The following ABR variants were observed in gnomAD, a reference collection of about 807,000 sequenced individuals.
The protein encoded by ABR is active breakpoint cluster region-related protein.
In ABR, 35 loss-of-function variants were observed where a neutral mutation model predicts 107.2. The ratio of observed to expected loss-of-function variants is 0.33; its 90% CI spans 0.25 to 0.43. The LOEUF (loss-of-function observed/expected upper bound fraction) is 0.43, where lower values mean the gene tolerates loss of function less well. Ranked by LOEUF, ABR falls within the 20% of genes least tolerant of loss-of-function variation. The pLI is 1.00. For missense variants in ABR, 815 were observed against 1,115.2 expected (o/e 0.73, Z 3.83); for synonymous variants, 498 against 462.0 (o/e 1.08, Z -1.00).
chr17:1,167,666 G>C (rs982781695), intron 1 of ABR, among the ~76,000 whole-genome samples: 3 of 152,198 alleles, frequency 2.0e-5, no homozygotes, highest in Admixed American at 6.5e-5. Context: ...GCATGAAACA[G>C]GATAAAAATG....
At chr17:1,222,529 G>A (rs1484608857) in intron 1 of ABR, among the ~76,000 whole-genome samples, 1 of 152,186 alleles carries the variant, frequency 6.6e-6, no homozygotes, top group Non-Finnish European at 1.5e-5. Context: ...CTGATGGGAA[G>A]GGCAGAAAAC....
At chr17:1,213,475 C>T (rs1205715049) in intron 1 of ABR, among the ~76,000 whole-genome samples, 3 of 150,924 alleles carry the variant, frequency 2.0e-5, no homozygotes, top group Admixed American at 6.6e-5. Context: ...CTGCAACCTC[C>T]GCCTCCCAGA....
Position 1,010,670 on chromosome 17 carries a change from G to T in ABR, c.2236+59C>A. The T allele has an allele frequency of 6.3e-7, 1 of 1,589,480 alleles. No homozygotes were observed. Among genetic ancestry groups the T allele is most frequent in the Non-Finnish European group, 8.6e-7 (1 of 1,166,226 alleles). On this transcript the variant is annotated intron_variant, in intron 20 of 22. Coordinates refer to ENST00000302538, the MANE Select transcript of ABR (RefSeq NM_021962.5). This position sits in a 1 kb window ranked among gnomAD's most constrained non-coding sequence, Gnocchi z 4.1. ...ATTTCTCCTGCTGGTTACTTCTCCGGGCAGGGAGTCCTGGCTCAGTCTGGC... is the reference window on the plus strand; with the variant it reads ...ATTTCTCCTGCTGGTTACTTCTCCGTGCAGGGAGTCCTGGCTCAGTCTGGC...
intron 1 of ABR, among the ~76,000 whole-genome samples, chr17:1,199,467 C>T (rs1476857657): frequency 6.9e-6 from 1 of 145,352 alleles, no homozygotes; most frequent in Non-Finnish European, 1.5e-5. Context: ...GGTGCAATCA[C>T]AGCTCACTGT....
At position 1,051,264 on chromosome 17, in the gene ABR, C is replaced by T. The variant is rs1255644534; in HGVS notation, c.1562-630G>A. Among the ~76,000 whole-genome samples, 1 of 152,158 alleles carries T rather than the reference C, an allele frequency of 6.6e-6. No individual in the cohort carries two copies. Among genetic ancestry groups the T allele is most frequent in the Non-Finnish European group, 1.5e-5 (1 of 68,032 alleles). On this transcript the variant is annotated intron_variant, in intron 14 of 22. Transcript: ENST00000302538. The surrounding 1 kb of genome is among the most constrained non-coding windows in gnomAD (Gnocchi z 4.3). Reference sequence around the variant, plus strand: ...CTCTACTCGTGCGTCCCTAGTCTCTCTCCCCCCACGACGTAAACACCATGT... The same window carrying T: ...CTCTACTCGTGCGTCCCTAGTCTCTTTCCCCCCACGACGTAAACACCATGT...
chr17:1,038,196 C>T (rs1245140582), intron 16 of ABR, among the ~76,000 whole-genome samples: 3 of 152,184 alleles, frequency 2.0e-5, no homozygotes, highest in Non-Finnish European at 2.9e-5. Context: ...CACACCTCAG[C>T]GCCCCGCCCT....
chr17:1,037,603 G>A lies in ABR; in HGVS notation c.1791+12447C>T, dbSNP rs139165439. Among the ~76,000 whole-genome samples the A allele has an allele frequency of 4.1e-4, 63 of 152,330 alleles. No homozygotes were observed. In the Middle Eastern group the frequency reaches 0.014, roughly 33 times the overall value. On this transcript the variant is annotated intron_variant, in intron 16 of 22. Coordinates refer to ENST00000302538, the MANE Select transcript of ABR (RefSeq NM_021962.5). This position sits in a 1 kb window ranked among gnomAD's most constrained non-coding sequence, Gnocchi z 4.6. ...CACCCAGGGACAGAGTGGGCAGGGC[G>A]TGGCCCCTCAGTATGCTGTCCCTAC...
chr17:1,008,055 G>A (rs938838287), intron 21 of ABR, among the ~76,000 whole-genome samples: 1 of 152,132 alleles, frequency 6.6e-6, no homozygotes, highest in African/African-American at 2.4e-5. Flanking sequence ...GGAAGGGTCT[G>A]CCTCATGGGA....
At chr17:1,169,314 G>T (rs2041623901) in intron 1 of ABR, among the ~76,000 whole-genome samples, 1 of 152,212 alleles carries the variant, frequency 6.6e-6, no homozygotes, top group Non-Finnish European at 1.5e-5. Flanking sequence ...TAAAATCAGG[G>T]TAACAACCTT....
chr17:1,071,796 G>A lies in ABR; in HGVS notation c.894+818C>T, dbSNP rs778730722. ...CCCGGAGGCCACTTCCCCGGCGTGG[G>A]CCTCCAGACAGTCCCAGGTGAGGAA... On this transcript the variant is annotated intron_variant, in intron 8 of 22. Transcript: ENST00000302538. The surrounding 1 kb of genome is among the most constrained non-coding windows in gnomAD (Gnocchi z 5.1). 6.6e-6 allele frequency among the ~76,000 whole-genome samples: 1 copy of A among 152,258 alleles called. No homozygotes were observed. The highest frequency in any genetic ancestry group is 1.5e-5 in the Non-Finnish European group (1 of 68,042).
In ABR at chr17:1,078,502, G is replaced by C. The variant is rs1432686411; in HGVS notation, c.700+828C>G. 6.6e-6 allele frequency among the ~76,000 whole-genome samples: 1 copy of C among 151,994 alleles called. No homozygotes were observed. On this transcript the variant is annotated intron_variant, in intron 6 of 22. Coordinates refer to ENST00000302538, the MANE Select transcript of ABR (RefSeq NM_021962.5). The surrounding 1 kb of genome is among the most constrained non-coding windows in gnomAD (Gnocchi z 7.5). ...GCTACTACGTCTGCGGGCACAGCTC[G>C]TCGCCGTCTCTCCCTAACAGCCCCT...
chr17:1,008,801 C>T (rs1016855125), intron 21 of ABR, among the ~76,000 whole-genome samples: 73 of 152,158 alleles, frequency 4.8e-4, no homozygotes, highest in African/African-American at 1.6e-3. Flanking sequence ...GTTTAAGGGA[C>T]GCCCAGGGAC....
At chr17:1,152,719 A>C (rs2040849685) in intron 1 of ABR, among the ~76,000 whole-genome samples, 1 of 152,142 alleles carries the variant, frequency 6.6e-6, no homozygotes, top group African/African-American at 2.4e-5. Context: ...GGAGATCTGA[A>C]CCCAGGCATT....
intron 16 of ABR, among the ~76,000 whole-genome samples, chr17:1,013,732 G>A (rs2070865123): frequency 6.6e-6 from 1 of 152,170 alleles, no homozygotes. Context: ...TGCCTCCCTG[G>A]GATTGCTGGG....
At chr17:1,044,903 G>A (rs1239138538) in intron 16 of ABR, among the ~76,000 whole-genome samples, 1 of 152,172 alleles carries the variant, frequency 6.6e-6, no homozygotes, top group African/African-American at 2.4e-5. Context: ...TAGCAATTGC[G>A]CTGGCCGCTC....
At chr17:1,018,735 G>C (rs984114799) in intron 16 of ABR, among the ~76,000 whole-genome samples, 10 of 152,156 alleles carry the variant, frequency 6.6e-5, no homozygotes, top group Non-Finnish European at 2.9e-5. Context: ...TGACTCACAG[G>C]GCTGTTATGG....
intron 1 of ABR, among the ~76,000 whole-genome samples, chr17:1,173,313 C>CACTCAACA (rs1433214800): frequency 4.3e-5 from 1 of 23,282 alleles, no homozygotes; most frequent in African/African-American, 1.4e-4. Flanking sequence ...TCCACCCCCC[C>CACTCAACA]CATCACCTCA....
intron 22 of ABR, among the ~76,000 whole-genome samples, chr17:1,006,613 G>A (rs1597324859): frequency 6.6e-6 from 1 of 152,144 alleles, no homozygotes; most frequent in East Asian, 1.9e-4. Flanking sequence ...GGCCTGGGAG[G>A]GGCAGAAGTG....
intron 4 of ABR, among the ~76,000 whole-genome samples, chr17:1,088,134 G>A (rs1460221460): frequency 6.6e-6 from 1 of 152,168 alleles, no homozygotes; most frequent in Non-Finnish European, 1.5e-5. Flanking sequence ...CTCAGGCATC[G>A]GTTCACGATG....
Sources: gnomAD v4.1 joint callset for allele counts (sites outside exome capture counted in the v4.1 genomes callset) on GRCh38, gnomAD v4.1.1 for gene constraint, Gnocchi (gnomAD v3.1) non-coding constraint, MANE v1.5 for transcripts, NCBI Gene and HGNC (gene_info 2026-07-23, HGNC 2026-07-21) for gene names.